Variants in ZNF804B observed in about 807,000 individuals in gnomAD.
ZNF804B encodes zinc finger protein 804B, also known as zinc finger 804B.
A neutral mutation model predicts 101.4 loss-of-function variants in ZNF804B; 80 were observed. The ratio of observed to expected loss-of-function variants is 0.79; its 90% CI spans 0.66 to 0.95. The LOEUF is 0.95. Ranked by LOEUF, ZNF804B falls within the 40% of genes least tolerant of loss-of-function variation. The pLI is 0.00. For missense variants in ZNF804B, 1,673 were observed against 1,561.9 expected (o/e 1.07, Z -1.20); for synonymous variants, 622 against 558.8 (o/e 1.11, Z -1.59).
chr7:89,123,746 T>C (rs1169261823), intron 1 of ZNF804B, among the ~76,000 whole-genome samples: 1 of 151,930 alleles, frequency 6.6e-6, no homozygotes, highest in East Asian at 1.9e-4. Flanking sequence ...CTTTTATAGG[T>C]GAGGAAACTG....
intron 1 of ZNF804B, among the ~76,000 whole-genome samples, chr7:88,762,836 C>G (rs1277882802): frequency 6.6e-6 from 1 of 152,040 alleles, no homozygotes; most frequent in Non-Finnish European, 1.5e-5. Context: ...CTAACTTTCA[C>G]TAAGATTTCC....
At chr7:89,302,344 A>C (rs1685819050) in intron 2 of ZNF804B, among the ~76,000 whole-genome samples, 1 of 151,938 alleles carries the variant, frequency 6.6e-6, no homozygotes, top group Non-Finnish European at 1.5e-5. Context: ...TGTCACAGCT[A>C]TCGGGGACAT....
intron 1 of ZNF804B, among the ~76,000 whole-genome samples, chr7:89,098,665 A>C (rs1020298294): frequency 2.0e-5 from 3 of 152,144 alleles, no homozygotes; most frequent in African/African-American, 7.2e-5. Context: ...AGAGTTCTTA[A>C]ATAACTTTGG....
chr7:89,007,550 AT>A (rs1562857907), intron 1 of ZNF804B, among the ~76,000 whole-genome samples: 1 of 80,372 alleles, frequency 1.2e-5, no homozygotes, highest in Non-Finnish European at 2.6e-5. Context: ...TATATATAAT[AT>A]ATATTTATCT....
chr7:89,145,678 A>C (rs1029026339), intron 1 of ZNF804B, among the ~76,000 whole-genome samples: 6 of 152,032 alleles, frequency 3.9e-5, no homozygotes, highest in African/African-American at 1.2e-4. Context: ...AATTCCACAA[A>C]CATATACTTA....
intron 1 of ZNF804B, among the ~76,000 whole-genome samples, chr7:89,053,717 GCT>G (rs1789245554): frequency 1.3e-5 from 2 of 149,710 alleles, no homozygotes; most frequent in South Asian, 4.3e-4. Flanking sequence ...TGCATTTCTT[GCT>G]CTCTCTTTCT....
At chr7:88,907,515 A>G (rs1052550135) in intron 1 of ZNF804B, among the ~76,000 whole-genome samples, 1 of 151,994 alleles carries the variant, frequency 6.6e-6, no homozygotes, top group African/African-American at 2.4e-5. Context: ...TAGCATTTAA[A>G]CTAATTTAAA....
At chr7:88,837,980 GTATTT>G (rs1791240500) in intron 1 of ZNF804B, among the ~76,000 whole-genome samples, 1 of 151,336 alleles carries the variant, frequency 6.6e-6, no homozygotes. Flanking sequence ...AAATTAATAA[GTATTT>G]TAATTTTTCA....
At chr7:89,090,092 T>G (rs149988007) in intron 1 of ZNF804B, among the ~76,000 whole-genome samples, 2 of 152,164 alleles carry the variant, frequency 1.3e-5, no homozygotes, top group Admixed American at 1.3e-4. Flanking sequence ...GTTTCCAACA[T>G]CTAATTGCAA....
intron 1 of ZNF804B, among the ~76,000 whole-genome samples, chr7:88,915,044 G>A (rs1792612604): frequency 6.6e-6 from 1 of 152,138 alleles, no homozygotes; most frequent in South Asian, 2.1e-4. Flanking sequence ...TTAATGAGTA[G>A]TTTTTATTGA....
At chr7:88,813,254 T>C (rs4727189) in intron 1 of ZNF804B, among the ~76,000 whole-genome samples, 64,002 of 151,288 alleles carry the variant, frequency 0.42, 14,376 homozygotes, top group East Asian at 0.79. Flanking sequence ...GGTGAAACCC[T>C]GTCTCTACTA....
chr7:89,205,394 G>T (rs1788700517), intron 1 of ZNF804B, among the ~76,000 whole-genome samples: 1 of 152,168 alleles, frequency 6.6e-6, no homozygotes, highest in Non-Finnish European at 1.5e-5. Flanking sequence ...AGTCTCATCT[G>T]AGAAAAGGCA....
chr7:89,219,695 A>G (rs1237224366), intron 2 of ZNF804B, among the ~76,000 whole-genome samples: 1 of 150,344 alleles, frequency 6.7e-6, no homozygotes, highest in African/African-American at 2.5e-5. Context: ...GTAACAAGGT[A>G]CACATTCCTG....
rs115375337 is a variant in ZNF804B at position 89,322,886 on chromosome 7, A to G, written c.250-4458A>G. Reference sequence around the variant, plus strand: ...ATATTAATTGTATGCACAGTCTTTTAGAAAATAGAGGATAAAACATTCTCT... The same window carrying G: ...ATATTAATTGTATGCACAGTCTTTTGGAAAATAGAGGATAAAACATTCTCT... On this transcript the variant is annotated intron_variant, in intron 2 of 3. Coordinates refer to ENST00000333190, the MANE Select transcript of ZNF804B (RefSeq NM_181646.5). Among the ~76,000 whole-genome samples, 874 of 152,332 alleles carry G rather than the reference A, an allele frequency of 5.7e-3. 6 individuals are homozygous for G. The highest frequency in any genetic ancestry group is 0.02 in the African/African-American group (835 of 41,592).
In ZNF804B at chr7:89,079,856, T is replaced by C. The variant is rs12667818; in HGVS notation, c.109-138299T>C. 2.8e-4 allele frequency among the ~76,000 whole-genome samples: 43 copies of C among 152,020 alleles called. No individual in the cohort carries two copies. The East Asian group carries it at 7.2e-3, about 25-fold the overall frequency. The stretch of plus-strand genomic sequence containing the variant: ...TGAGATGAGATCAATACTGGTATAT[T>C]CAGGGAGCAGCAAGAGGCCCATGTG... On this transcript the variant is annotated intron_variant, in intron 1 of 3. Coordinates refer to ENST00000333190, the MANE Select transcript of ZNF804B (RefSeq NM_181646.5).
chr7:89,140,506 T>A (rs1790701350), intron 1 of ZNF804B, among the ~76,000 whole-genome samples: 1 of 152,124 alleles, frequency 6.6e-6, no homozygotes, highest in Middle Eastern at 3.2e-3. Flanking sequence ...ATGTAGTCTA[T>A]CAATGATCTT....
At chr7:89,172,445 A>T (rs1442239461) in intron 1 of ZNF804B, among the ~76,000 whole-genome samples, 1 of 152,132 alleles carries the variant, frequency 6.6e-6, no homozygotes, top group Non-Finnish European at 1.5e-5. Context: ...GGTCAAGTTA[A>T]TCTATACACA....
intron 1 of ZNF804B, among the ~76,000 whole-genome samples, chr7:88,822,884 G>C (rs965122431): frequency 2.0e-5 from 3 of 152,094 alleles, no homozygotes; most frequent in Non-Finnish European, 2.9e-5. Context: ...CAGATATATT[G>C]TTAGAATTTT....
intron 2 of ZNF804B, among the ~76,000 whole-genome samples, chr7:89,279,207 C>T (rs1790039577): frequency 6.6e-6 from 1 of 151,934 alleles, no homozygotes; most frequent in Non-Finnish European, 1.5e-5. Context: ...ATTTTGTATC[C>T]TGAGACTTTG....
Sources: gnomAD v4.1 joint callset for allele counts (sites outside exome capture counted in the v4.1 genomes callset) on GRCh38, gnomAD v4.1.1 for gene constraint, MANE v1.5 for transcripts, NCBI Gene and HGNC (gene_info 2026-07-23, HGNC 2026-07-21) for gene names.